Variants in PLXNB3 observed in about 807,000 individuals in gnomAD.
PLXNB3 encodes the protein plexin B3, also known as plexin-B3.
A neutral mutation model predicts 125.7 loss-of-function variants in PLXNB3; 80 were observed. The ratio of observed to expected loss-of-function variants is 0.64; its 90% CI spans 0.53 to 0.77. The LOEUF (loss-of-function observed/expected upper bound fraction) is 0.77. Among genes scored for constraint, PLXNB3 ranks in the 30% least tolerant of loss-of-function variants. PLXNB3 has a pLI of 0.00. For missense variants in PLXNB3, 1,836 were observed against 1,729.3 expected, an observed-to-expected ratio of 1.06 and a Z score of -1.09; for synonymous variants, 954 against 783.3, an observed-to-expected ratio of 1.22 and a Z score of -3.64.
Position 153,767,894 on chromosome X carries a change from G to A in PLXNB3, c.1067G>A (p.Arg356His), listed in dbSNP as rs1280542430. The A allele has an allele frequency of 1.3e-5, 14 of 1,100,338 alleles. No homozygotes were observed. Among genetic ancestry groups the A allele is most frequent in the Admixed American group, 3.3e-5 (1 of 30,199 alleles). 90.7% of individuals were successfully genotyped at this position (1,100,338 alleles called of 1,213,427 possible). A position where few individuals can be genotyped will look rare whatever the true frequency, so the allele number is the denominator to read the frequency against. The change falls in exon 3 of 36, where the codon CGC (arginine) becomes CAC (histidine). Residue 356 changes from arginine (R) to histidine (H), a missense_variant. Transcript: ENST00000361971. ...EATVEYGVTS[R>H]CVTLPLDSPE... ...ACCGTGGAGTACGGCGTCACGTCGCGCTGCGTCACCCTGCCCCTTGTGAGT... is the reference window on the plus strand; with the variant it reads ...ACCGTGGAGTACGGCGTCACGTCGCACTGCGTCACCCTGCCCCTTGTGAGT...
intron 2 of PLXNB3, chrX:153,766,538 C>T (rs183207750): frequency 1.6e-4 from 159 of 1,019,281 alleles, no homozygotes; most frequent in Admixed American, 2.4e-4. Flanking sequence ...AGCGCTCTTG[C>T]GGCTTTCCAG....
rs1487410754 is a variant in PLXNB3, at chrX:153,778,197, C to T, written c.5410-64C>T. On this transcript the variant is annotated intron_variant, in intron 32 of 35. Transcript: ENST00000361971. ...GCACAGAGCTCTGGGTGGGCAGTGGCAGCATCATGGGGGCACCTTCACCTC... is the reference window on the plus strand; with the variant it reads ...GCACAGAGCTCTGGGTGGGCAGTGGTAGCATCATGGGGGCACCTTCACCTC... 2.5e-6 allele frequency: 3 copies of T among 1,191,586 alleles called. No individual in the cohort carries two copies. The African/African-American group carries it at 5.3e-5, about 21-fold the overall frequency.
intron 33 of PLXNB3, 26 bp downstream of exon 33, chrX:153,778,351 C>A (rs782718332): frequency 4.1e-6 from 5 of 1,205,489 alleles, no homozygotes; most frequent in Non-Finnish European, 4.5e-6. Flanking sequence ...ATCGGGGCTG[C>A]GGGGAAGGGG....
At chrX:153,773,153 T>C in intron 17 of PLXNB3, 77 bp from the exon 18 acceptor site, 1 of 1,097,380 alleles carries the variant, frequency 9.1e-7, no homozygotes, top group South Asian at 2.2e-5. Context: ...GCAGGGCTTC[T>C]CCTACGGGGG....
chrX:153,767,440 A>G lies in PLXNB3; in HGVS notation c.613A>G (p.Ile205Val). The G allele has an allele frequency of 1.7e-6, 2 of 1,190,648 alleles. No individual in the cohort carries two copies. Among genetic ancestry groups the G allele is most frequent in the Non-Finnish European group, 2.3e-6 (2 of 884,515 alleles). Residue 205 changes from isoleucine to valine, a missense_variant, in exon 3 of 36, where the codon ATC becomes GTC. Transcript: ENST00000361971. ...KLSAGVPPLA[I>V]RQLAGSQPFS... is the part of the protein sequence containing the mutation. ...GTCGGCAGGGGTGCCACCCCTGGCC[A>G]TCCGCCAGCTGGCCGGGTCTCAGCC...
rs782112812 is a variant in PLXNB3, at chrX:153,770,150, C to T, written c.1688C>T (p.Ala563Val). 3 of 1,211,081 alleles carry T rather than the reference C, an allele frequency of 2.5e-6. No homozygotes were observed. The highest frequency in any genetic ancestry group is 3.4e-6 in the Non-Finnish European group (3 of 895,222). The change falls in exon 8 of 36, where the codon GCG (alanine) becomes GTG (valine). Residue 563 changes from alanine to valine, a missense_variant. By Grantham distance (64) the Ala-to-Val change is moderately conservative (BLOSUM62 0). Coordinates refer to ENST00000361971, the MANE Select transcript of PLXNB3 (RefSeq NM_005393.3). ...ILDADEYFHC[A>V]FGDYDSLAHV... The stretch of plus-strand genomic sequence containing the variant: ...GATGCAGATGAATACTTCCATTGTG[C>T]GTTCGGGGACTATGACAGCTTGGCT...
At chrX:153,771,717 G>A (rs6643790) in intron 14 of PLXNB3, 62 bp downstream of exon 14, 185,187 of 1,130,343 alleles carry the variant, frequency 0.16, 15,862 homozygotes, top group East Asian at 0.6. Flanking sequence ...GCACTGTCCT[G>A]TCCTCCGTGA....
At chrX:153,778,698 G>T in intron 35 of PLXNB3, 24 bp downstream of exon 35, 1 of 1,175,008 alleles carries the variant, frequency 8.5e-7, no homozygotes, top group Non-Finnish European at 1.2e-6. Flanking sequence ...CACTCCGGAG[G>T]GGAGGCACAG....
rs1175001921 is a variant in PLXNB3, at chrX:153,767,851, A to G, written c.1024A>G (p.Ser342Gly). Residue 342 changes from serine (S) to glycine (G), a missense_variant, in exon 3 of 36, where the codon AGC (serine) becomes GGC (glycine). Coordinates refer to ENST00000361971, the MANE Select transcript of PLXNB3 (RefSeq NM_005393.3). Reference sequence around the variant, plus strand: ...CTACACGGCGGGCGGCCGGGGCCCCAGCGGCGCAGAGGAAGCCACCGTGGA... The same window carrying G: ...CTACACGGCGGGCGGCCGGGGCCCCGGCGGCGCAGAGGAAGCCACCGTGGA... ...LCYTAGGRGP[S>G]GAEEATVEYG... 1 of 1,135,200 alleles carries G rather than the reference A, an allele frequency of 8.8e-7. No individual in the cohort carries two copies. 93.6% of individuals were successfully genotyped at this position (1,135,200 alleles called of 1,213,427 possible).
In PLXNB3 at chrX:153,776,059, G is replaced by C. The variant is rs782172275; in HGVS notation, c.4574G>C (p.Gly1525Ala). 6.7e-6 allele frequency: 8 copies of C among 1,194,882 alleles called. No individual in the cohort carries two copies. In the Admixed American group the frequency reaches 6.9e-5, roughly 10 times the overall value. The change falls in exon 27 of 36, where the codon GGG becomes GCG. Residue 1525 changes from glycine to alanine, a missense_variant. Physicochemically the swap from Gly to Ala is moderately conservative, Grantham distance 60. Coordinates refer to ENST00000361971, the MANE Select transcript of PLXNB3 (RefSeq NM_005393.3). ...ACGCTGATGGTGCTGGTGGGGCCCG[G>C]GGCTGGCGGGGCCGCAGGCAGCAGC... ...PLTLMVLVGPGAGGAAGSSEM... is the reference protein window; with the variant it reads ...PLTLMVLVGPAAGGAAGSSEM...
At chrX:153,766,461 G>T (rs782819972) in intron 2 of PLXNB3, 30 of 1,067,281 alleles carry the variant, frequency 2.8e-5, no homozygotes, top group Admixed American at 8.6e-5. Flanking sequence ...TCCAGCTCCC[G>T]CGGCCTCCCT....
At position 153,769,901 on chromosome X, in the gene PLXNB3, C is replaced by A. The variant is rs2091907242; in HGVS notation, c.1591C>A (p.Leu531Met). 1.4e-5 allele frequency: 17 copies of A among 1,208,992 alleles called. No individual in the cohort carries two copies. Among genetic ancestry groups the A allele is most frequent in the Non-Finnish European group, 1.8e-5 (16 of 894,667 alleles). Reference protein sequence around the residue: ...EDSHCLHIQSLLPGHHPRQEQ... With the variant: ...EDSHCLHIQSMLPGHHPRQEQ... ...CAGCCACTGCCTGCACATCCAGAGC[C>A]TGCTGCCGGGCCACCACCCCCGCCA... Residue 531 changes from leucine to methionine, a missense_variant, in exon 7 of 36, where the codon CTG (leucine) becomes ATG (methionine). Leu to Met is a conservative substitution (Grantham distance 15). Transcript: ENST00000361971.
In PLXNB3 at chrX:153,767,307, C is replaced by T. The variant is rs112274376; in HGVS notation, c.480C>T (p.Asp160=). The change falls in exon 3 of 36, where the codon GAC becomes GAT. Residue 160 remains aspartate, a synonymous_variant. Transcript: ENST00000361971. ...TGTACCAGGCTGAGGACCCTGGTGACGGGCAGTTTGTGGCTGCCAATACCC... is the reference window on the plus strand; with the variant it reads ...TGTACCAGGCTGAGGACCCTGGTGATGGGCAGTTTGTGGCTGCCAATACCC... The part of the protein sequence containing the change: ...EVLYQAEDPG[D]GQFVAANTPG... 5,107 of 1,204,718 alleles carry T rather than the reference C, an allele frequency of 4.2e-3. 34 individuals carry two copies. Among genetic ancestry groups the T allele is most frequent in the African/African-American group, 0.042 (2,433 of 57,503 alleles).
In PLXNB3 at chrX:153,767,959, A is replaced by G. The variant is rs781972311; in HGVS notation, c.1086+46A>G. On this transcript the variant is annotated intron_variant, in intron 3 of 35. Coordinates refer to ENST00000361971, the MANE Select transcript of PLXNB3 (RefSeq NM_005393.3). ...TCCCCCCTCTCTGTGGATGGCTGGCATCTTTCAGCACTGGACAGGGGTGCC... is the reference window on the plus strand; with the variant it reads ...TCCCCCCTCTCTGTGGATGGCTGGCGTCTTTCAGCACTGGACAGGGGTGCC... 10 of 1,067,004 alleles carry G rather than the reference A, an allele frequency of 9.4e-6. No homozygotes were observed. In the South Asian group the frequency reaches 1.9e-4, roughly 20 times the overall value. The allele number at this position is 1,067,004 out of a possible 1,213,427, so 87.9% of individuals were successfully genotyped here. A position where few individuals can be genotyped will look rare whatever the true frequency, so the allele number is the denominator to read the frequency against.
At position 153,778,540 on chromosome X, in the gene PLXNB3, G is replaced by A. The variant is rs782590440; in HGVS notation, c.5551-60G>A. ...AAAGACTAGCAGAGCAGAGGGGGGA[G>A]ACTTGGGGCTTGAGGACCAGGCTGG... On this transcript the variant is annotated intron_variant, in intron 34 of 35. Coordinates refer to ENST00000361971, the MANE Select transcript of PLXNB3 (RefSeq NM_005393.3). 1,066 of 1,177,623 alleles carry A rather than the reference G, an allele frequency of 9.1e-4. 1 individual carries two copies. The highest frequency in any genetic ancestry group is 5.9e-3 in the Middle Eastern group (25 of 4,273).
chrX:153,774,155 C>A (rs1475528307), intron 20 of PLXNB3, 31 bp from the exon 21 acceptor site: 1 of 1,202,016 alleles, frequency 8.3e-7, no homozygotes, highest in Non-Finnish European at 1.1e-6. Flanking sequence ...TCTGTGGGGG[C>A]CAGCGGCTTA....
At chrX:153,774,129 C>A (rs1557063048) in intron 20 of PLXNB3, 31 bp downstream of exon 20, 1 of 1,197,663 alleles carries the variant, frequency 8.3e-7, no homozygotes, top group East Asian at 3.0e-5. Flanking sequence ...TGCCCCGCCA[C>A]GGTGCTCAGG....
chrX:153,772,021 G>C lies in PLXNB3; in HGVS notation c.2669+6G>C, dbSNP rs1235326883. ...CTCTACCGCACGTCGGCCCGGTGAG[G>C]CACTTGGAGGGTGAAGATGGGTGGG... On this transcript the variant is annotated splice_donor_region_variant and intron_variant, in intron 15 of 35. Coordinates refer to ENST00000361971, the MANE Select transcript of PLXNB3 (RefSeq NM_005393.3). The C allele has an allele frequency of 1.4e-5, 16 of 1,184,698 alleles. No homozygotes were observed. The Admixed American group carries it at 3.6e-4, about 27-fold the overall frequency.
chrX:153,774,458 G>A lies in PLXNB3; in HGVS notation c.3717G>A (p.Val1239=), dbSNP rs1272635950. The A allele has an allele frequency of 3.3e-6, 4 of 1,202,619 alleles. No homozygotes were observed. The highest frequency in any genetic ancestry group is 4.5e-6 in the Non-Finnish European group (4 of 891,613). The change falls in exon 22 of 36, where the codon GTG becomes GTA. Residue 1239 remains valine, a synonymous_variant. Transcript: ENST00000361971. ...MGNVQLALGP[V]QYEAEPPLSA... ...ATGTGCAGCTGGCCCTGGGCCCTGT[G>A]CAGTACGAGGCTGAACCCCCGCTGT...
Sources: gnomAD v4.1 joint callset for allele counts on GRCh38, gnomAD v4.1.1 for gene constraint, MANE v1.5 for transcripts, NCBI Gene and HGNC (gene_info 2026-07-23, HGNC 2026-07-21) for gene names.